The following TMEM170B variants were observed in gnomAD, a reference collection of about 807,000 sequenced individuals.
The protein encoded by TMEM170B is transmembrane protein 170B.
Under a neutral mutation model 13.0 loss-of-function variants are expected in TMEM170B, and 6 were observed. The observed-to-expected ratio is 0.46, with a 90% CI of 0.25 to 0.91. The LOEUF (loss-of-function observed/expected upper bound fraction) is 0.91, where lower values mean the gene tolerates loss of function less well. Among genes scored for constraint, TMEM170B ranks in the 40% least tolerant of loss-of-function variants. The pLI is 0.17. For missense variants in TMEM170B, 138 were observed against 165.2 expected (o/e 0.84, Z 0.90); for synonymous variants, 61 against 64.9 (o/e 0.94, Z 0.29).
At chr6:11,564,079 T>A (rs990555696) in intron 1 of TMEM170B, among the ~76,000 whole-genome samples, 1 of 152,246 alleles carries the variant, frequency 6.6e-6, no homozygotes, top group African/African-American at 2.4e-5. Context: ...TTTCCTTCCT[T>A]CCCTTTTAAA....
At chr6:11,545,280 CTGTGTG>C (rs1210551633) in intron 1 of TMEM170B, among the ~76,000 whole-genome samples, 2 of 139,736 alleles carry the variant, frequency 1.4e-5, no homozygotes, top group Non-Finnish European at 3.1e-5. Context: ...CTCTCTCTCT[CTGTGTG>C]TGTGTGTGTG....
At position 11,537,914 on chromosome 6, in the gene TMEM170B, C is replaced by T. The variant is rs532985967; in HGVS notation, c.-364C>T. Among the ~76,000 whole-genome samples the T allele has an allele frequency of 4.4e-3, 667 of 151,844 alleles. 6 individuals are homozygous for T. Among genetic ancestry groups the T allele is most frequent in the Admixed American group, 7.7e-3 (117 of 15,264 alleles). On this transcript the variant is annotated 5_prime_UTR_variant, in exon 1 of 3. Coordinates refer to ENST00000379426, the MANE Select transcript of TMEM170B (RefSeq NM_001100829.3). ...CGGCCTCCTGGCGTGACCTCGGCCT[C>T]CTCGCGTGTCCAGTCCCCGCGGCGC...
At chr6:11,539,651 T>TGATGATTGCCGGTAAG (rs1365158856) in intron 1 of TMEM170B, among the ~76,000 whole-genome samples, 1 of 152,230 alleles carries the variant, frequency 6.6e-6, no homozygotes, top group African/African-American at 2.4e-5. Flanking sequence ...TGACTTTACA[T>TGATGATTGCCGGTAAG]GATGATTGCC....
At chr6:11,539,053 T>G (rs1373433851) in intron 1 of TMEM170B, among the ~76,000 whole-genome samples, 1 of 152,250 alleles carries the variant, frequency 6.6e-6, no homozygotes, top group Non-Finnish European at 1.5e-5. Flanking sequence ...TCCCTTCATT[T>G]ATTAAGGCTG....
In TMEM170B at chr6:11,579,121, G is replaced by T. The variant is rs535821015; in HGVS notation, c.*3560G>T. On this transcript the variant is annotated 3_prime_UTR_variant, in exon 3 of 3. Coordinates refer to ENST00000379426, the MANE Select transcript of TMEM170B (RefSeq NM_001100829.3). ...GACAACATTTTGCTTCCTGATTTTA[G>T]TTGAGAGTTAGCCTGTTATCCCTCC... The T allele has an allele frequency of 2.6e-5, 4 of 152,256 alleles. No individual in the cohort carries two copies. In the South Asian group the frequency reaches 8.3e-4, roughly 32 times the overall value. 9.4% of individuals were successfully genotyped at this position (152,256 alleles called of 1,614,324 possible).
chr6:11,541,354 A>G (rs1157263544), intron 1 of TMEM170B, among the ~76,000 whole-genome samples: 1 of 152,226 alleles, frequency 6.6e-6, no homozygotes, highest in Non-Finnish European at 1.5e-5. Context: ...GTGCTTCTAC[A>G]TCAGCATTTG....
In TMEM170B at chr6:11,579,586, A is replaced by T. The variant is rs180722880; in HGVS notation, c.*4025A>T. On this transcript the variant is annotated 3_prime_UTR_variant, in exon 3 of 3. Transcript: ENST00000379426. ...AAACGTTTTCTTATAATCTTGCTTC[A>T]TCTCCTTTTCACTTTTTCTTTTTAA... is the stretch of plus-strand genomic sequence containing the variant. 2 of 152,174 alleles carry T rather than the reference A, an allele frequency of 1.3e-5. No homozygotes were observed. The highest frequency in any genetic ancestry group is 6.5e-5 in the Admixed American group (1 of 15,282). The allele number at this position is 152,174 out of a possible 1,614,324, so 9.4% of individuals were successfully genotyped here.
At chr6:11,571,189 T>C (rs201728696) in intron 2 of TMEM170B, among the ~76,000 whole-genome samples, 1 of 116,422 alleles carries the variant, frequency 8.6e-6, no homozygotes, top group African/African-American at 3.0e-5. Context: ...TTTTTTTTTT[T>C]CTTTTTCCAT....
In TMEM170B at chr6:11,538,295, C is replaced by G; in HGVS notation, c.18C>G (p.Gly6=). MKAEG[G]DHSMINLSVQ... ...CGGGGAAGATGAAGGCGGAGGGGGG[C>G]GACCACTCCATGATCAACCTGTCGG... Residue 6 remains glycine, a synonymous_variant, in exon 1 of 3, where the codon GGC becomes GGG. Coordinates refer to ENST00000379426, the MANE Select transcript of TMEM170B (RefSeq NM_001100829.3). 1.4e-6 allele frequency: 2 copies of G among 1,435,154 alleles called. No individual in the cohort carries two copies. The highest frequency in any genetic ancestry group is 1.5e-5 in the South Asian group (1 of 66,026). 88.9% of individuals were successfully genotyped at this position (1,435,154 alleles called of 1,614,324 possible). A position where few individuals can be genotyped will look rare whatever the true frequency, so the allele number is the denominator to read the frequency against.
chr6:11,555,324 T>C (rs891942765), intron 1 of TMEM170B, among the ~76,000 whole-genome samples: 1 of 152,160 alleles, frequency 6.6e-6, no homozygotes, highest in African/African-American at 2.4e-5. Context: ...ATTTTCCCTT[T>C]ATCTTTGGTT....
At chr6:11,551,334 C>T (rs565458113) in intron 1 of TMEM170B, among the ~76,000 whole-genome samples, 1 of 152,270 alleles carries the variant, frequency 6.6e-6, no homozygotes, top group African/African-American at 2.4e-5. Context: ...TGGTCATACA[C>T]AGACCAGCTC....
intron 1 of TMEM170B, among the ~76,000 whole-genome samples, chr6:11,547,907 G>A (rs1280654093): frequency 6.6e-6 from 1 of 152,088 alleles, no homozygotes; most frequent in East Asian, 1.9e-4. Context: ...TCTTTGTTTA[G>A]TGTTTGAAAG....
chr6:11,539,482 C>T lies in TMEM170B; in HGVS notation c.97+1108C>T, dbSNP rs1222656252. ...ATAAAGTCTGGCATGGTATAGAATACAAACATTCATAGAAGAAAATTTTAT... is the reference window on the plus strand; with the variant it reads ...ATAAAGTCTGGCATGGTATAGAATATAAACATTCATAGAAGAAAATTTTAT... On this transcript the variant is annotated intron_variant, in intron 1 of 2. Transcript: ENST00000379426. 2.0e-5 allele frequency among the ~76,000 whole-genome samples: 3 copies of T among 152,002 alleles called. No homozygotes were observed. In the East Asian group the frequency reaches 5.8e-4, roughly 29 times the overall value.
In TMEM170B at chr6:11,548,491, G is replaced by A. The variant is rs576014187; in HGVS notation, c.97+10117G>A. Among the ~76,000 whole-genome samples, 10 of 151,922 alleles carry A rather than the reference G, an allele frequency of 6.6e-5. No homozygotes were observed. In the East Asian group the frequency reaches 1.4e-3, roughly 21 times the overall value. ...ACACTGTTGGTGGGACTGTAAACTAGTTCAACCATTGTGGAAAACTGTGGC... is the reference window on the plus strand; with the variant it reads ...ACACTGTTGGTGGGACTGTAAACTAATTCAACCATTGTGGAAAACTGTGGC... On this transcript the variant is annotated intron_variant, in intron 1 of 2. Transcript: ENST00000379426.
intron 2 of TMEM170B, among the ~76,000 whole-genome samples, chr6:11,569,877 T>TA (rs1213179320): frequency 6.6e-6 from 1 of 152,182 alleles, no homozygotes; most frequent in Admixed American, 6.5e-5. Context: ...TTGGTCTTTT[T>TA]ATCTATTCTT....
chr6:11,557,128 T>C (rs145692883), intron 1 of TMEM170B, among the ~76,000 whole-genome samples: 1,595 of 152,368 alleles, frequency 0.01, 10 homozygotes, highest in Middle Eastern at 0.02. Context: ...CCCACTTGTA[T>C]GTTGCCCACT....
At position 11,576,657 on chromosome 6, in the gene TMEM170B, A is replaced by G. The variant is rs1759877641; in HGVS notation, c.*1096A>G. On this transcript the variant is annotated 3_prime_UTR_variant, in exon 3 of 3. Transcript: ENST00000379426. ...ACAAGTAAGTTATATAGGAAGAGTA[A>G]TGAACTATTTTACTTTGGACATGTG... is the stretch of plus-strand genomic sequence containing the variant. The G allele has an allele frequency of 6.6e-6, 1 of 152,192 alleles. No individual in the cohort carries two copies. The highest frequency in any genetic ancestry group is 1.5e-5 in the Non-Finnish European group (1 of 68,006). The allele number at this position is 152,192 out of a possible 1,614,324, so 9.4% of individuals were successfully genotyped here. A position where few individuals can be genotyped will look rare whatever the true frequency, so the allele number is the denominator to read the frequency against.
chr6:11,567,114 C>T (rs1348145562), intron 2 of TMEM170B, among the ~76,000 whole-genome samples: 1 of 152,232 alleles, frequency 6.6e-6, no homozygotes, highest in Non-Finnish European at 1.5e-5. Flanking sequence ...GGGGGCAGCC[C>T]TCTCCTGCCC....
intron 1 of TMEM170B, among the ~76,000 whole-genome samples, chr6:11,552,059 C>T (rs367956284): frequency 2.6e-5 from 4 of 152,290 alleles, no homozygotes; most frequent in African/African-American, 9.6e-5. Flanking sequence ...TCCATGGCTC[C>T]AGTCGATAAA....
Sources: allele counts gnomAD v4.1 joint callset (sites outside exome capture counted in the v4.1 genomes callset), GRCh38; gene constraint gnomAD v4.1.1; transcripts MANE v1.5; gene names NCBI Gene and HGNC (gene_info 2026-07-23, HGNC 2026-07-21).